Variants in TTC13 observed in about 807,000 individuals in gnomAD.
The protein encoded by TTC13 is tetratricopeptide repeat protein 13.
TTC13 carries 62 observed loss-of-function variants against 120.0 expected under a neutral mutation model. That is an observed-to-expected ratio of 0.52 (90% CI 0.42 to 0.64). The LOEUF (loss-of-function observed/expected upper bound fraction) is 0.64, where lower values mean the gene tolerates loss of function less well. Among genes scored for constraint, TTC13 ranks in the 30% least tolerant of loss-of-function variants. TTC13 has a pLI of 0.00. For synonymous variants in TTC13, 384 were observed against 393.5 expected (o/e 0.98, Z 0.28); for missense variants, 824 against 1,050.2 (o/e 0.78, Z 2.98).
chr1:230,945,253 T>G, intron 5 of TTC13, 136 bp downstream of exon 5: 2 of 813,272 alleles, frequency 2.5e-6, no homozygotes, highest in Non-Finnish European at 4.2e-6. Context: ...GCTGCCATTT[T>G]CTCATCTGTG....
rs1197349178 is a variant in TTC13, at chr1:230,908,800, G to T, written c.2389-9C>A. 1 of 1,611,994 alleles carries T rather than the reference G, an allele frequency of 6.2e-7. No individual in the cohort carries two copies. Among genetic ancestry groups the T allele is most frequent in the African/African-American group, 1.3e-5 (1 of 74,884 alleles). ...GCTTCAAAGTCGACTAACTGAAAAA[G>T]AAAGACATTTAGGAATGTTACTAAA... is the stretch of plus-strand genomic sequence containing the variant. On this transcript the variant is annotated splice_polypyrimidine_tract_variant and intron_variant, in intron 21 of 22. Coordinates refer to ENST00000366661, the MANE Select transcript of TTC13 (RefSeq NM_024525.5).
At chr1:230,943,919 G>C in intron 5 of TTC13, 21 bp from the exon 6 acceptor site, 1 of 1,568,250 alleles carries the variant, frequency 6.4e-7, no homozygotes, top group Non-Finnish European at 8.7e-7. Flanking sequence ...CATTAGCTTA[G>C]TATGAGACAT....
At chr1:230,957,670 G>A (rs1676222310) in intron 3 of TTC13, among the ~76,000 whole-genome samples, 1 of 152,086 alleles carries the variant, frequency 6.6e-6, no homozygotes, top group Non-Finnish European at 1.5e-5. Flanking sequence ...GACAGCGAGG[G>A]AAACACACCC....
intron 4 of TTC13, among the ~76,000 whole-genome samples, chr1:230,947,423 G>T (rs558413457): frequency 2.6e-5 from 4 of 152,278 alleles, no homozygotes; most frequent in Non-Finnish European, 1.5e-5. Flanking sequence ...GCCAGGCTGG[G>T]GTGGGAGGCG....
At chr1:230,923,454 G>A (rs1244795170) in intron 15 of TTC13, among the ~76,000 whole-genome samples, 1 of 151,762 alleles carries the variant, frequency 6.6e-6, no homozygotes, top group Non-Finnish European at 1.5e-5. Context: ...ACTCCACCAC[G>A]AGAGACTTGT....
In TTC13 at chr1:230,916,287, T is replaced by C; in HGVS notation, c.1999A>G (p.Thr667Ala). Residue 667 changes from threonine to alanine, a missense_variant, in exon 18 of 23, where the codon ACG becomes GCG. Thr to Ala is a moderately conservative substitution (Grantham distance 58). Coordinates refer to ENST00000366661, the MANE Select transcript of TTC13 (RefSeq NM_024525.5). The part of the protein sequence containing the change: ...LPIMKQFNTK[T>A]KDGFTVNTKV... Reference sequence around the variant, plus strand: ...GTGTTCACGGTGAACCCATCCTTCGTTTTAGTATTAAACTGCTTTCAGGGA... The same window carrying C: ...GTGTTCACGGTGAACCCATCCTTCGCTTTAGTATTAAACTGCTTTCAGGGA... 6.2e-7 allele frequency: 1 copy of C among 1,613,710 alleles called. No homozygotes were observed. The highest frequency in any genetic ancestry group is 2.2e-5 in the East Asian group (1 of 44,900).
At chr1:230,908,489 CT>C (rs1169412996) in intron 22 of TTC13, 10 of 553,188 alleles carry the variant, frequency 1.8e-5, no homozygotes, top group Non-Finnish European at 2.6e-5. Flanking sequence ...TGTGCCTGGC[CT>C]TCATAGTCCA....
Position 230,924,959 on chromosome 1 carries a change from C to A in TTC13, c.1603G>T (p.Ala535Ser). ...TGCACGGCTTGCATGACCTCCAATG[C>A]GGCCAAACCCATAGCTACGAGAAAG... ...KRIHRAMGLAALEVMQAVQRT... is the reference protein window; with the variant it reads ...KRIHRAMGLASLEVMQAVQRT... Residue 535 changes from alanine to serine, a missense_variant, in exon 14 of 23, where the codon GCA becomes TCA. By Grantham distance (99) the Ala-to-Ser change is moderately conservative (BLOSUM62 1). This residue lies in a region of TTC13 where 430 missense variants were observed against 626.8 expected (regional missense o/e 0.69). Coordinates refer to ENST00000366661, the MANE Select transcript of TTC13 (RefSeq NM_024525.5). 6.2e-7 allele frequency: 1 copy of A among 1,614,162 alleles called. No homozygotes were observed. Among genetic ancestry groups the A allele is most frequent in the Non-Finnish European group, 8.5e-7 (1 of 1,180,030 alleles).
intron 1 of TTC13, among the ~76,000 whole-genome samples, chr1:230,974,387 C>T (rs1271575091): frequency 6.6e-6 from 1 of 152,148 alleles, no homozygotes; most frequent in African/African-American, 2.4e-5. Flanking sequence ...CAATGATGGA[C>T]CACGTATGTG....
At position 230,975,112 on chromosome 1, in the gene TTC13, C is replaced by T. The variant is rs547219708; in HGVS notation, c.271+3448G>A. Among the ~76,000 whole-genome samples, 7 of 152,044 alleles carry T rather than the reference C, an allele frequency of 4.6e-5. No homozygotes were observed. The East Asian group carries it at 1.4e-3, about 29-fold the overall frequency. ...AGCATTGGCCAGGCACGGTGTCTCACGTCTGTAATCCCAACACTTTGGGAG... is the reference window on the plus strand; with the variant it reads ...AGCATTGGCCAGGCACGGTGTCTCATGTCTGTAATCCCAACACTTTGGGAG... On this transcript the variant is annotated intron_variant, in intron 1 of 22. Coordinates refer to ENST00000366661, the MANE Select transcript of TTC13 (RefSeq NM_024525.5).
intron 17 of TTC13, 83 bp from the exon 18 acceptor site, chr1:230,916,385 CT>C: frequency 1.9e-6 from 2 of 1,037,298 alleles, no homozygotes; most frequent in Non-Finnish European, 3.0e-6. Context: ...CTGGCTCTAC[CT>C]TACATGTTTT....
intron 11 of TTC13, among the ~76,000 whole-genome samples, chr1:230,930,547 C>A (rs550611796): frequency 9.0e-4 from 137 of 152,296 alleles, no homozygotes; most frequent in Middle Eastern, 3.4e-3. Context: ...TGCTTTCTTC[C>A]TCACCTCATA....
chr1:230,933,997 G>T, intron 8 of TTC13, 136 bp from the exon 9 acceptor site: 2 of 485,968 alleles, frequency 4.1e-6, no homozygotes, highest in Non-Finnish European at 3.6e-6. Flanking sequence ...AAAAAGAGAG[G>T]CAGAAAATGC....
At chr1:230,962,168 C>A (rs777402187) in intron 1 of TTC13, among the ~76,000 whole-genome samples, 7 of 151,542 alleles carry the variant, frequency 4.6e-5, no homozygotes, top group African/African-American at 7.3e-5. Flanking sequence ...CGAGACTGTG[C>A]CATTGCACTC....
chr1:230,919,063 A>AATTT (rs1672319411), intron 17 of TTC13, among the ~76,000 whole-genome samples: 3 of 152,190 alleles, frequency 2.0e-5, no homozygotes, highest in African/African-American at 7.2e-5. Context: ...TGTCCCTTTT[A>AATTT]GTGTCCTTCC....
In TTC13 at chr1:230,942,366, G is replaced by A. The variant is rs1674605274; in HGVS notation, c.672+1440C>T. Among the ~76,000 whole-genome samples the A allele has an allele frequency of 6.6e-6, 1 of 152,020 alleles. No homozygotes were observed. Among genetic ancestry groups the A allele is most frequent in the East Asian group, 1.9e-4 (1 of 5,168 alleles). On this transcript the variant is annotated intron_variant, in intron 6 of 22. Coordinates refer to ENST00000366661, the MANE Select transcript of TTC13 (RefSeq NM_024525.5). The surrounding 1 kb of genome is among the most constrained non-coding windows in gnomAD (Gnocchi z 4.0). ...AAACTATAGTCACTTAACCCTTAGG[G>A]TTACAATTCAAAATAGAGAAGAGGT...
intron 4 of TTC13, among the ~76,000 whole-genome samples, chr1:230,949,683 T>C (rs1423905495): frequency 1.3e-5 from 2 of 152,152 alleles, no homozygotes; most frequent in Non-Finnish European, 2.9e-5. Flanking sequence ...AGTCTCGCTG[T>C]CGCCCAGGCT....
chr1:230,935,076 C>T (rs991799923), intron 8 of TTC13, among the ~76,000 whole-genome samples: 7 of 152,190 alleles, frequency 4.6e-5, no homozygotes, highest in Admixed American at 3.3e-4. Context: ...TGCTGAATAT[C>T]TACGGTTGGG....
chr1:230,924,359 G>A (rs1183015247), intron 14 of TTC13, among the ~76,000 whole-genome samples: 1 of 152,182 alleles, frequency 6.6e-6, no homozygotes, highest in African/African-American at 2.4e-5. Context: ...TTGAGATGGA[G>A]TCTCGCTGTG....
Sources: allele counts gnomAD v4.1 joint callset (sites outside exome capture counted in the v4.1 genomes callset), GRCh38; gene constraint gnomAD v4.1.1; regional missense constraint gnomAD v4.1.1; non-coding constraint Gnocchi (gnomAD v3.1); transcripts MANE v1.5; gene names NCBI Gene and HGNC (gene_info 2026-07-23, HGNC 2026-07-21).